MOB4: variants seen among roughly 807,000 people sequenced by gnomAD.
MOB4 encodes the protein MOB-like protein phocein.
Under a neutral mutation model 32.2 loss-of-function variants are expected in MOB4, and 4 were observed. The ratio of observed to expected loss-of-function variants is 0.12; its 90% CI spans 0.06 to 0.28. The LOEUF (loss-of-function observed/expected upper bound fraction) is 0.28. MOB4 is among the 10% of genes least tolerant of loss of function. The pLI is 1.00. For synonymous variants in MOB4, 88 were observed against 88.1 expected, an observed-to-expected ratio of 1.00 and a Z score of 0.01; for missense variants, 158 against 271.2, an observed-to-expected ratio of 0.58 and a Z score of 2.93.
At chr2:197,516,572 C>G (rs60502106) in intron 1 of MOB4, 2 of 488,488 alleles carry the variant, frequency 4.1e-6, no homozygotes, top group South Asian at 1.5e-5. Context: ...CTACCTCGAC[C>G]CGGCGTCCAG....
chr2:197,520,184 C>CTT (rs765434673), intron 1 of MOB4, among the ~76,000 whole-genome samples: 8 of 141,346 alleles, frequency 5.7e-5, no homozygotes, highest in Non-Finnish European at 9.3e-5. Flanking sequence ...TGCACTTAAA[C>CTT]TTTTTTTTTT....
chr2:197,528,042 G>T (rs145677477), intron 2 of MOB4, among the ~76,000 whole-genome samples: 3 of 151,784 alleles, frequency 2.0e-5, no homozygotes, highest in Non-Finnish European at 4.4e-5. Context: ...ATATAATTAC[G>T]TTTGAAATAA....
In MOB4 at chr2:197,551,192, A is replaced by G. The variant is rs2087091522; in HGVS notation, c.*546A>G. ...TGTGTATATCTAAATACAAATGCAAATGAAGCATTAGTAATACTTAAATAA... is the reference window on the plus strand; with the variant it reads ...TGTGTATATCTAAATACAAATGCAAGTGAAGCATTAGTAATACTTAAATAA... On this transcript the variant is annotated 3_prime_UTR_variant, in exon 8 of 8. Transcript: ENST00000323303. 6.6e-6 allele frequency: 1 copy of G among 152,380 alleles called. No individual in the cohort carries two copies. 9.4% of individuals were successfully genotyped at this position (152,380 alleles called of 1,614,324 possible).
At chr2:197,515,962 G>T, upstream of MOB4, 4 of 995,786 alleles carry the variant, frequency 4.0e-6, no homozygotes, top group Non-Finnish European at 5.9e-6. Flanking sequence ...CCCGGCGCAG[G>T]CTGCAGCTGT....
Position 197,550,262 on chromosome 2 carries a change from T to C in MOB4, c.435-13T>C. 1 of 1,600,322 alleles carries C rather than the reference T, an allele frequency of 6.2e-7. No individual in the cohort carries two copies. On this transcript the variant is annotated splice_polypyrimidine_tract_variant and intron_variant, in intron 6 of 7. Coordinates refer to ENST00000323303, the MANE Select transcript of MOB4 (RefSeq NM_015387.5). ...CCAGTTCTAAGAATCTATGGTTTCT[T>C]TTCTACTTCTAGGGTTAGCATAAAG...
At chr2:197,536,735 G>A (rs2086806869) in intron 3 of MOB4, among the ~76,000 whole-genome samples, 1 of 151,286 alleles carries the variant, frequency 6.6e-6, no homozygotes, top group South Asian at 2.1e-4. Flanking sequence ...CCGAGTAGCT[G>A]GGACTACAGG....
chr2:197,550,487 A>G (rs2087079126), intron 7 of MOB4, 28 bp from the exon 8 acceptor site: 1 of 1,581,108 alleles, frequency 6.3e-7, no homozygotes, highest in African/African-American at 1.4e-5. Flanking sequence ...AGTGAATTAA[A>G]ATAACATTTT....
intron 5 of MOB4, among the ~76,000 whole-genome samples, chr2:197,547,745 G>C (rs970805569): frequency 6.6e-5 from 10 of 152,068 alleles, no homozygotes; most frequent in African/African-American, 2.4e-4. Context: ...GTTGCTCCCT[G>C]TCTGCCCTCA....
chr2:197,521,072 AG>A (rs552093225), intron 1 of MOB4, among the ~76,000 whole-genome samples: 1 of 152,156 alleles, frequency 6.6e-6, no homozygotes, highest in African/African-American at 2.4e-5. Flanking sequence ...TAATCACATC[AG>A]GGGGGTAAAT....
In MOB4 at chr2:197,551,885, CTGAT is replaced by C. The variant is rs1486042292; in HGVS notation, c.*1242_*1245del. 6.6e-6 allele frequency: 1 copy of C among 152,236 alleles called. No homozygotes were observed. The highest frequency in any genetic ancestry group is 1.9e-4 in the East Asian group (1 of 5,340). 9.4% of individuals were successfully genotyped at this position (152,236 alleles called of 1,614,324 possible). On this transcript the variant is annotated 3_prime_UTR_variant, in exon 8 of 8. Transcript: ENST00000323303. The stretch of plus-strand genomic sequence containing the variant: ...AAGCACTGGAGGTCTTATTGCCAAA[CTGAT>C]TGTAATGAGGCAGTAAGGGTGAAAA...
At chr2:197,530,808 A>G (rs1436478100) in intron 2 of MOB4, among the ~76,000 whole-genome samples, 1 of 151,938 alleles carries the variant, frequency 6.6e-6, no homozygotes, top group Non-Finnish European at 1.5e-5. Context: ...TGTGTTGCCC[A>G]AGGTCTCTAA....
intron 1 of MOB4, 40 bp downstream of exon 1, chr2:197,516,186 C>G (rs1405370599): frequency 1.0e-5 from 16 of 1,570,552 alleles, no homozygotes; most frequent in Non-Finnish European, 1.4e-5. Context: ...AACTAGGTGC[C>G]GAGCAGTGCT....
intron 6 of MOB4, among the ~76,000 whole-genome samples, chr2:197,549,830 C>T (rs187059232): frequency 0.012 from 1,726 of 138,550 alleles, 14 homozygotes; most frequent in South Asian, 0.024. Flanking sequence ...GGATTACAGG[C>T]GTGAGCCACC....
At chr2:197,516,932 C>T (rs2086425861) in intron 1 of MOB4, among the ~76,000 whole-genome samples, 1 of 152,134 alleles carries the variant, frequency 6.6e-6, no homozygotes, top group Non-Finnish European at 1.5e-5. Flanking sequence ...AATTGGCATC[C>T]AGACTTGAAC....
chr2:197,546,481 ACCT>A (rs1032209462), intron 5 of MOB4, among the ~76,000 whole-genome samples: 1 of 150,246 alleles, frequency 6.7e-6, no homozygotes, highest in African/African-American at 2.5e-5. Context: ...ACCTCCCTTG[ACCT>A]CCTGTGCTCA....
intron 2 of MOB4, among the ~76,000 whole-genome samples, chr2:197,531,706 G>A (rs572581868): frequency 1.4e-3 from 212 of 151,626 alleles, no homozygotes; most frequent in South Asian, 2.5e-3. Flanking sequence ...CACCATGCCC[G>A]GCTAATTTTT....
intron 2 of MOB4, among the ~76,000 whole-genome samples, chr2:197,534,161 A>G (rs558215052): frequency 2.4e-4 from 36 of 152,324 alleles, no homozygotes; most frequent in Middle Eastern, 3.4e-3. Flanking sequence ...TTGTTTGGAA[A>G]AAAAAGTTTT....
Position 197,550,304 on chromosome 2 carries a change from A to AAC in MOB4, c.465_466dup (p.Leu156HisfsTer2). On this transcript the variant is annotated frameshift_variant, in exon 7 of 8. Coordinates refer to ENST00000323303, the MANE Select transcript of MOB4 (RefSeq NM_015387.5). LOFTEE classifies it high-confidence loss of function. ...AGCATAAAGGAATCATCTGTAGCGA[A>AAC]ACTAGGATCAGTATGCCGTAGGATT... 1 of 1,613,484 alleles carries AAC rather than the reference A, an allele frequency of 6.2e-7. No homozygotes were observed. Among genetic ancestry groups the AAC allele is most frequent in the Non-Finnish European group, 8.5e-7 (1 of 1,179,942 alleles).
At chr2:197,533,582 G>A (rs1222833290) in intron 2 of MOB4, among the ~76,000 whole-genome samples, 1 of 151,820 alleles carries the variant, frequency 6.6e-6, no homozygotes, top group South Asian at 2.1e-4. Context: ...AAAATTAGCC[G>A]GGCGTGATGG....
Sources: allele counts gnomAD v4.1 joint callset (sites outside exome capture counted in the v4.1 genomes callset), GRCh38; gene constraint gnomAD v4.1.1; transcripts MANE v1.5; gene names NCBI Gene and HGNC (gene_info 2026-07-23, HGNC 2026-07-21).